Variants in CPNE8 observed in about 807,000 individuals in gnomAD.
CPNE8 encodes the protein copine 8, also known as copine-8.
CPNE8 carries 45 observed loss-of-function variants against 81.5 expected under a neutral mutation model. The ratio of observed to expected loss-of-function variants is 0.55; its 90% confidence interval spans 0.44 to 0.71. The LOEUF (loss-of-function observed/expected upper bound fraction) is 0.71. Among genes scored for constraint, CPNE8 ranks in the 30% least tolerant of loss-of-function variants. The probability of loss-of-function intolerance (pLI) is 0.00; values close to 1 mark genes in which losing one functional copy is unlikely to be tolerated. For missense variants in CPNE8, 594 were observed against 672.1 expected (o/e 0.88, Z 1.28); for synonymous variants, 252 against 226.3 (o/e 1.11, Z -1.02).
intron 15 of CPNE8, among the ~76,000 whole-genome samples, chr12:38,691,331 G>A (rs1483559583): frequency 1.3e-5 from 2 of 152,116 alleles, no homozygotes; most frequent in Non-Finnish European, 2.9e-5. Context: ...GAGATTGGCA[G>A]TTTCTAGAGC....
At chr12:38,820,957 C>A (rs1289462304) in intron 6 of CPNE8, among the ~76,000 whole-genome samples, 1 of 152,170 alleles carries the variant, frequency 6.6e-6, no homozygotes, top group Non-Finnish European at 1.5e-5. Context: ...CAACCTTTCA[C>A]CAATCCTTGT....
chr12:38,859,551 T>A (rs1395138560), intron 3 of CPNE8, among the ~76,000 whole-genome samples: 1 of 152,152 alleles, frequency 6.6e-6, no homozygotes, highest in Non-Finnish European at 1.5e-5. Flanking sequence ...CTAATGACAT[T>A]TTTTATAAAA....
intron 13 of CPNE8, among the ~76,000 whole-genome samples, chr12:38,709,384 CTACT>C (rs1373636417): frequency 1.3e-5 from 2 of 152,252 alleles, no homozygotes; most frequent in African/African-American, 2.4e-5. Context: ...TGCCCATGAA[CTACT>C]CAGTGAATTA....
intron 1 of CPNE8, among the ~76,000 whole-genome samples, chr12:38,893,080 G>A (rs1944337583): frequency 6.6e-6 from 1 of 152,208 alleles, no homozygotes; most frequent in Admixed American, 6.5e-5. Flanking sequence ...AGGTTTAAGA[G>A]CCTATGTCTA....
At chr12:38,711,935 T>C (rs1032766528) in intron 13 of CPNE8, among the ~76,000 whole-genome samples, 4 of 152,202 alleles carry the variant, frequency 2.6e-5, no homozygotes, top group African/African-American at 9.7e-5. Flanking sequence ...ATGATAATGT[T>C]CCATGTGAAA....
chr12:38,775,224 T>G (rs1426746802), intron 7 of CPNE8, among the ~76,000 whole-genome samples: 2 of 152,128 alleles, frequency 1.3e-5, no homozygotes, highest in Non-Finnish European at 2.9e-5. Context: ...TGGGCTCAAG[T>G]GATCCTCCCA....
chr12:38,746,023 C>G (rs747931295), intron 10 of CPNE8, among the ~76,000 whole-genome samples: 1 of 152,076 alleles, frequency 6.6e-6, no homozygotes, highest in Non-Finnish European at 1.5e-5. Context: ...CTCATGCATA[C>G]CTCCAGTTAA....
intron 5 of CPNE8, among the ~76,000 whole-genome samples, chr12:38,836,479 C>T (rs917966427): frequency 1.3e-5 from 2 of 151,940 alleles, no homozygotes; most frequent in African/African-American, 4.8e-5. Flanking sequence ...GTCTTAAGTA[C>T]CGAACACCAA....
intron 4 of CPNE8, among the ~76,000 whole-genome samples, chr12:38,844,000 C>T (rs1004868378): frequency 4.6e-5 from 7 of 152,090 alleles, no homozygotes; most frequent in African/African-American, 1.4e-4. Context: ...AATTAGACTT[C>T]GACATTGTTA....
intron 19 of CPNE8, among the ~76,000 whole-genome samples, chr12:38,656,992 A>G (rs528393483): frequency 6.6e-6 from 1 of 152,240 alleles, no homozygotes; most frequent in South Asian, 2.1e-4. Context: ...TGCATTTTCA[A>G]CTGAGGTACC....
chr12:38,765,869 T>A (rs112084605), intron 8 of CPNE8, among the ~76,000 whole-genome samples: 47 of 152,302 alleles, frequency 3.1e-4, no homozygotes, highest in East Asian at 1.5e-3. Context: ...TTTTATTTTT[T>A]TTTTTTAAGA....
chr12:38,888,665 T>C (rs1179527943), intron 1 of CPNE8, among the ~76,000 whole-genome samples: 1 of 152,208 alleles, frequency 6.6e-6, no homozygotes, highest in East Asian at 1.9e-4. Context: ...AACAGAAGTG[T>C]GCCCTGACTC....
intron 1 of CPNE8, among the ~76,000 whole-genome samples, chr12:38,890,832 CT>C (rs1206393511): frequency 2.0e-5 from 3 of 151,024 alleles, no homozygotes; most frequent in Non-Finnish European, 4.4e-5. Context: ...AAATTGTCTC[CT>C]TTTTTTGGGT....
intron 6 of CPNE8, among the ~76,000 whole-genome samples, chr12:38,792,068 T>C (rs527680333): frequency 6.7e-6 from 1 of 149,150 alleles, no homozygotes; most frequent in African/African-American, 2.4e-5. Flanking sequence ...ATACCAAACT[T>C]ATGATATAGT....
At chr12:38,857,818 C>T (rs569989103) in intron 3 of CPNE8, among the ~76,000 whole-genome samples, 2 of 152,252 alleles carry the variant, frequency 1.3e-5, no homozygotes, top group African/African-American at 4.8e-5. Context: ...ATTGCTTGAA[C>T]CCAGGAGGCG....
chr12:38,722,929 A>G (rs826858), intron 13 of CPNE8, among the ~76,000 whole-genome samples: 85,728 of 151,756 alleles, frequency 0.56, 24,660 homozygotes, highest in East Asian at 0.81. Context: ...CAAGTGTTTG[A>G]CAGGTCCTCC....
intron 13 of CPNE8, among the ~76,000 whole-genome samples, chr12:38,709,391 G>T (rs775684522): frequency 4.6e-5 from 7 of 152,352 alleles, no homozygotes; most frequent in African/African-American, 7.2e-5. Context: ...GAACTACTCA[G>T]TGAATTAACC....
intron 6 of CPNE8, among the ~76,000 whole-genome samples, chr12:38,783,617 C>T (rs1942102544): frequency 6.6e-6 from 1 of 152,140 alleles, no homozygotes; most frequent in African/African-American, 2.4e-5. Flanking sequence ...GTGATGATAG[C>T]CAAAGACAGG....
chr12:38,668,418 T>C (rs1172495163), intron 19 of CPNE8, among the ~76,000 whole-genome samples: 1 of 152,192 alleles, frequency 6.6e-6, no homozygotes, highest in Non-Finnish European at 1.5e-5. Flanking sequence ...AATGCAAATA[T>C]GTTGTCACAA....
Sources: allele counts gnomAD v4.1 joint callset (sites outside exome capture counted in the v4.1 genomes callset), GRCh38; gene constraint gnomAD v4.1.1; transcripts MANE v1.5; gene names NCBI Gene and HGNC (gene_info 2026-07-23, HGNC 2026-07-21).